Variants in ASCC3 observed in about 807,000 individuals in gnomAD.
ASCC3 encodes activating signal cointegrator 1 complex subunit 3, also known as ASC-1 complex subunit P200.
Under a neutral mutation model 256.3 loss-of-function variants are expected in ASCC3, and 158 were observed. The observed-to-expected ratio is 0.62, with a 90% CI of 0.54 to 0.70. The LOEUF is 0.70. Among genes scored for constraint, ASCC3 ranks in the 30% least tolerant of loss-of-function variants. The pLI is 0.00. For synonymous variants in ASCC3, 948 were observed against 883.4 expected, an observed-to-expected ratio of 1.07 and a Z score of -1.30; for missense variants, 2,259 against 2,626.0, an observed-to-expected ratio of 0.86 and a Z score of 3.05.
At chr6:100,613,157 T>C (rs1408578869) in intron 30 of ASCC3, among the ~76,000 whole-genome samples, 1 of 151,598 alleles carries the variant, frequency 6.6e-6, no homozygotes, top group Non-Finnish European at 1.5e-5. Context: ...CCTGTCTAGA[T>C]TGCGTAGTGG....
At chr6:100,596,088 G>A (rs887079233) in intron 34 of ASCC3, among the ~76,000 whole-genome samples, 20 of 151,718 alleles carry the variant, frequency 1.3e-4, no homozygotes, top group African/African-American at 4.6e-4. Context: ...TATACCTTTC[G>A]TTTTGATTTC....
chr6:100,621,149 G>A (rs967952579), intron 30 of ASCC3, among the ~76,000 whole-genome samples: 2 of 152,138 alleles, frequency 1.3e-5, no homozygotes, highest in African/African-American at 4.8e-5. Context: ...ATACTATGCA[G>A]CCATGAAAAG....
intron 8 of ASCC3, among the ~76,000 whole-genome samples, chr6:100,774,920 C>T (rs1383963628): frequency 6.6e-6 from 1 of 152,140 alleles, no homozygotes; most frequent in African/African-American, 2.4e-5. Context: ...AGTCACTAAG[C>T]ATGCCATATT....
chr6:100,663,554 G>C (rs1028025990), intron 14 of ASCC3, among the ~76,000 whole-genome samples: 5 of 152,024 alleles, frequency 3.3e-5, no homozygotes, highest in African/African-American at 1.2e-4. Flanking sequence ...TGGCCCTGAA[G>C]CACAACATTA....
At chr6:100,608,731 T>TTATATA (rs1169558095) in intron 30 of ASCC3, among the ~76,000 whole-genome samples, 39 of 2,710 alleles carry the variant, frequency 0.014, 13 homozygotes, top group Non-Finnish European at 0.022. Flanking sequence ...TATATATACT[T>TTATATA]TATATATATA....
At chr6:100,555,291 A>G (rs1240554761) in intron 36 of ASCC3, among the ~76,000 whole-genome samples, 1 of 152,210 alleles carries the variant, frequency 6.6e-6, no homozygotes, top group African/African-American at 2.4e-5. Context: ...AATGTCTATC[A>G]TTGTAATTCT....
Position 100,652,766 on chromosome 6 carries a change from T to C in ASCC3, c.2947A>G (p.Arg983Gly), listed in dbSNP as rs752510952. The change falls in exon 18 of 42, where the codon AGA (arginine) becomes GGA (glycine). Residue 983 changes from arginine to glycine, a missense_variant. By Grantham distance (125) the Arg-to-Gly change is moderately radical. Transcript: ENST00000369162. ...TTAATATAGTAATGGCTGGCAGTTC[T>C]ACCCAAATCAGTTGAGGAAAAATAT... ...TGYFSSTDLG[R>G]TASHYYIKYN... 1.2e-6 allele frequency: 2 copies of C among 1,613,928 alleles called. No individual in the cohort carries two copies. Among genetic ancestry groups the C allele is most frequent in the South Asian group, 1.1e-5 (1 of 91,078 alleles).
intron 39 of ASCC3, among the ~76,000 whole-genome samples, chr6:100,515,783 G>C (rs1175165661): frequency 6.6e-6 from 1 of 152,174 alleles, no homozygotes; most frequent in Non-Finnish European, 1.5e-5. Context: ...ACCCTGAAGA[G>C]AGGGAGTAGA....
At chr6:100,522,933 A>AG (rs1196956124) in intron 37 of ASCC3, among the ~76,000 whole-genome samples, 2 of 149,040 alleles carry the variant, frequency 1.3e-5, no homozygotes, top group African/African-American at 5.0e-5. Flanking sequence ...GTTCAGGATG[A>AG]GGGGGAAGGT....
intron 13 of ASCC3, among the ~76,000 whole-genome samples, chr6:100,684,814 T>C (rs1281851149): frequency 6.8e-6 from 1 of 146,130 alleles, no homozygotes; most frequent in Non-Finnish European, 1.5e-5. Flanking sequence ...TTTTTTTTTT[T>C]TTTTTTTTTT....
chr6:100,758,485 A>G (rs1302640698), intron 10 of ASCC3, among the ~76,000 whole-genome samples: 1 of 151,976 alleles, frequency 6.6e-6, no homozygotes, highest in Non-Finnish European at 1.5e-5. Context: ...GACAACATGC[A>G]GTGTTTGGTT....
intron 10 of ASCC3, among the ~76,000 whole-genome samples, chr6:100,754,618 C>G (rs1033938538): frequency 6.6e-6 from 1 of 152,144 alleles, no homozygotes; most frequent in African/African-American, 2.4e-5. Flanking sequence ...CCTTACCATA[C>G]TCTAGTAACT....
At chr6:100,800,913 T>C (rs528700610) in intron 5 of ASCC3, among the ~76,000 whole-genome samples, 4 of 152,018 alleles carry the variant, frequency 2.6e-5, no homozygotes, top group South Asian at 2.1e-4. Flanking sequence ...CTATTAGACA[T>C]AAATTTTTAC....
At chr6:100,594,074 G>A (rs1438316567) in intron 34 of ASCC3, among the ~76,000 whole-genome samples, 1 of 152,038 alleles carries the variant, frequency 6.6e-6, no homozygotes, top group Non-Finnish European at 1.5e-5. Flanking sequence ...CAGGAACAGT[G>A]GTTGAAATCT....
At chr6:100,515,699 A>C (rs1434496880) in intron 39 of ASCC3, among the ~76,000 whole-genome samples, 1 of 152,152 alleles carries the variant, frequency 6.6e-6, no homozygotes, top group African/African-American at 2.4e-5. Context: ...AAGTGATTAT[A>C]ATAAGAGAGG....
chr6:100,584,284 A>G (rs2114757280), intron 36 of ASCC3, among the ~76,000 whole-genome samples: 1 of 151,606 alleles, frequency 6.6e-6, no homozygotes, highest in South Asian at 2.1e-4. Flanking sequence ...TATTGGGTGC[A>G]TATATATTTA....
chr6:100,798,380 T>C (rs73505001), intron 8 of ASCC3, among the ~76,000 whole-genome samples: 1,950 of 152,168 alleles, frequency 0.013, 39 homozygotes, highest in African/African-American at 0.044. Context: ...TATTTTATTA[T>C]AGGTTGATCA....
rs139592214 is a variant in ASCC3 at position 100,604,148 on chromosome 6, A to C, written c.5177+1420T>G. Among the ~76,000 whole-genome samples, 54 of 152,184 alleles carry C rather than the reference A, an allele frequency of 3.5e-4. 1 individual carries two copies. The highest frequency in any genetic ancestry group is 1.2e-3 in the African/African-American group (51 of 41,518). On this transcript the variant is annotated intron_variant, in intron 33 of 41. Coordinates refer to ENST00000369162, the MANE Select transcript of ASCC3 (RefSeq NM_006828.4). ...TTTAGATTTTCTATCTTTTTGTGTC[A>C]GTTTTAGTAATTTTTAAAAGAAATT...
intron 3 of ASCC3, chr6:100,856,353 C>G (rs1772939365): frequency 2.0e-5 from 19 of 969,156 alleles, no homozygotes; most frequent in Non-Finnish European, 2.3e-5. Flanking sequence ...TTTACCAGGA[C>G]CTGAGCAGGG....
Sources: allele counts gnomAD v4.1 joint callset (sites outside exome capture counted in the v4.1 genomes callset), GRCh38; gene constraint gnomAD v4.1.1; transcripts MANE v1.5; gene names NCBI Gene and HGNC (gene_info 2026-07-23, HGNC 2026-07-21).